Variants in DPP10 observed in about 807,000 individuals in gnomAD.
DPP10 encodes inactive dipeptidyl peptidase 10.
DPP10 carries 33 observed loss-of-function variants against 120.9 expected under a neutral mutation model. The ratio of observed to expected loss-of-function variants is 0.27; its 90% CI spans 0.21 to 0.37. DPP10 has a LOEUF of 0.37. Among genes scored for constraint, DPP10 ranks in the 10% least tolerant of loss-of-function variants. The probability of loss-of-function intolerance (pLI) is 1.00; values close to 1 mark genes in which losing one functional copy is unlikely to be tolerated. For missense variants in DPP10, 816 were observed against 942.8 expected, an observed-to-expected ratio of 0.87 and a Z score of 1.76; for synonymous variants, 337 against 326.1, an observed-to-expected ratio of 1.03 and a Z score of -0.36.
chr2:115,504,208 GGAT>G (rs1345335723), intron 4 of DPP10, among the ~76,000 whole-genome samples: 2 of 151,250 alleles, frequency 1.3e-5, no homozygotes, highest in South Asian at 2.1e-4. Context: ...TACAATTTTT[GGAT>G]GATACTTCTG....
intron 19 of DPP10, among the ~76,000 whole-genome samples, chr2:115,800,877 C>T (rs1685144911): frequency 6.6e-6 from 1 of 151,914 alleles, no homozygotes; most frequent in Non-Finnish European, 1.5e-5. Flanking sequence ...GTGATGCCTC[C>T]AGCTTTGTTC....
chr2:115,043,621 TA>T (rs1187592470), intron 1 of DPP10, among the ~76,000 whole-genome samples: 2 of 152,224 alleles, frequency 1.3e-5, no homozygotes, highest in Non-Finnish European at 2.9e-5. Flanking sequence ...CTAGATTTTT[TA>T]ATTCTCTCTC....
chr2:114,906,985 A>AT (rs1250478928), intron 1 of DPP10, among the ~76,000 whole-genome samples: 2 of 152,128 alleles, frequency 1.3e-5, no homozygotes, highest in Non-Finnish European at 2.9e-5. Context: ...AAGTTTTAAG[A>AT]TTTTTAATGT....
chr2:115,725,587 T>A (rs2092747824), intron 7 of DPP10, among the ~76,000 whole-genome samples: 1 of 152,200 alleles, frequency 6.6e-6, no homozygotes, highest in Non-Finnish European at 1.5e-5. Context: ...TTTTGGATAA[T>A]TTTTACATCT....
At chr2:114,824,347 T>C (rs1040935721) in intron 1 of DPP10, among the ~76,000 whole-genome samples, 1 of 152,222 alleles carries the variant, frequency 6.6e-6, no homozygotes, top group East Asian at 1.9e-4. Context: ...TGTGTGCCTT[T>C]GAAATATTGA....
At chr2:115,336,801 A>T (rs1475391363) in intron 2 of DPP10, among the ~76,000 whole-genome samples, 2 of 152,038 alleles carry the variant, frequency 1.3e-5, no homozygotes, top group Non-Finnish European at 2.9e-5. Flanking sequence ...ATTTTGAAAG[A>T]GTGTCTCAAA....
At chr2:114,706,624 A>G (rs1285665317) in intron 1 of DPP10, among the ~76,000 whole-genome samples, 1 of 152,240 alleles carries the variant, frequency 6.6e-6, no homozygotes, top group Non-Finnish European at 1.5e-5. Flanking sequence ...TTCTAAATCT[A>G]GAACCACATC....
intron 1 of DPP10, among the ~76,000 whole-genome samples, chr2:114,697,208 C>G (rs1194092492): frequency 6.6e-6 from 1 of 152,000 alleles, no homozygotes; most frequent in Non-Finnish European, 1.5e-5. Context: ...CCAGATATAG[C>G]TTTTTGAAAT....
At chr2:115,242,593 T>C (rs2058336962) in intron 1 of DPP10, among the ~76,000 whole-genome samples, 1 of 152,140 alleles carries the variant, frequency 6.6e-6, no homozygotes, top group Non-Finnish European at 1.5e-5. Flanking sequence ...CACACTGTTT[T>C]CCATAGTGGT....
chr2:115,192,425 C>G (rs563116087), intron 1 of DPP10, among the ~76,000 whole-genome samples: 1 of 152,344 alleles, frequency 6.6e-6, no homozygotes, highest in South Asian at 2.1e-4. Context: ...GTATAAATCT[C>G]TATGCACCCA....
At chr2:115,125,568 C>CTTTTTTTTT (rs57686926) in intron 1 of DPP10, among the ~76,000 whole-genome samples, 4 of 112,188 alleles carry the variant, frequency 3.6e-5, no homozygotes, top group African/African-American at 7.1e-5. Context: ...ATCATAATGG[C>CTTTTTTTTT]TTTTTTTTTT....
Position 114,584,063 on chromosome 2 carries a change from C to T in DPP10, c.60+141225C>T, listed in dbSNP as rs78195256. Among the ~76,000 whole-genome samples the T allele has an allele frequency of 8.6e-5, 13 of 151,970 alleles. 1 individual carries two copies. Among genetic ancestry groups the T allele is most frequent in the East Asian group, 7.7e-4 (4 of 5,164 alleles). ...CAAACAGAAAGCAAAAAGAGAATCA[C>T]GAAAGATTCAAATGAATATTTCTTA... On this transcript the variant is annotated intron_variant, in intron 1 of 25. Coordinates refer to ENST00000410059, the MANE Select transcript of DPP10 (RefSeq NM_020868.6).
At chr2:115,298,492 T>G (rs1417063932) in intron 1 of DPP10, among the ~76,000 whole-genome samples, 1 of 152,014 alleles carries the variant, frequency 6.6e-6, no homozygotes, top group African/African-American at 2.4e-5. Flanking sequence ...GGTTCTCCAA[T>G]TTGAGTGTGC....
intron 11 of DPP10, among the ~76,000 whole-genome samples, chr2:115,756,986 G>A (rs1679492058): frequency 6.6e-6 from 1 of 152,064 alleles, no homozygotes; most frequent in Non-Finnish European, 1.5e-5. Context: ...CATTAATGAT[G>A]GCAGAACCCT....
chr2:114,533,656 G>C (rs1686240391), intron 1 of DPP10, among the ~76,000 whole-genome samples: 1 of 151,882 alleles, frequency 6.6e-6, no homozygotes, highest in African/African-American at 2.4e-5. Context: ...TAAGAGGGAA[G>C]TGAATTTTTG....
rs1311055157 is a variant in DPP10, at chr2:115,138,332, T to C, written c.61-170907T>C. Among the ~76,000 whole-genome samples, 8 of 152,184 alleles carry C rather than the reference T, an allele frequency of 5.3e-5. No homozygotes were observed. In the East Asian group the frequency reaches 1.5e-3, roughly 29 times the overall value. On this transcript the variant is annotated intron_variant, in intron 1 of 25. Coordinates refer to ENST00000410059, the MANE Select transcript of DPP10 (RefSeq NM_020868.6). ...GCTGATGAAGAAATGAGAAATTTTG[T>C]CTCTTCCCTAGAGCAGCATTATAAA...
intron 1 of DPP10, among the ~76,000 whole-genome samples, chr2:114,680,984 T>C (rs1414060834): frequency 6.6e-6 from 1 of 151,992 alleles, no homozygotes; most frequent in African/African-American, 2.4e-5. Flanking sequence ...ATTGTCCATA[T>C]TATAAATGAT....
At position 115,377,611 on chromosome 2, in the gene DPP10, A is replaced by T. The variant is rs914917201; in HGVS notation, c.271+33699A>T. Reference sequence around the variant, plus strand: ...GTTGCCATTGCTTTTGGTATTTTAGACATGAAGTCCTTGCCCATGCCTATG... The same window carrying T: ...GTTGCCATTGCTTTTGGTATTTTAGTCATGAAGTCCTTGCCCATGCCTATG... On this transcript the variant is annotated intron_variant, in intron 3 of 25. Transcript: ENST00000410059. 1.5e-3 allele frequency among the ~76,000 whole-genome samples: 233 copies of T among 152,228 alleles called. 1 individual carries two copies. Among genetic ancestry groups the T allele is most frequent in the African/African-American group, 5.1e-3 (213 of 41,532 alleles).
chr2:115,693,595 T>C (rs1325199524), intron 7 of DPP10, among the ~76,000 whole-genome samples: 1 of 152,204 alleles, frequency 6.6e-6, no homozygotes, highest in Non-Finnish European at 1.5e-5. Context: ...TATGACAAAA[T>C]AATAGCACTT....
Sources: allele counts gnomAD v4.1 joint callset (sites outside exome capture counted in the v4.1 genomes callset), GRCh38; gene constraint gnomAD v4.1.1; transcripts MANE v1.5; gene names NCBI Gene and HGNC (gene_info 2026-07-23, HGNC 2026-07-21).